GMDS: variants seen among roughly 807,000 people sequenced by gnomAD.
GMDS encodes GDP-mannose 4,6 dehydratase.
GMDS carries 20 observed loss-of-function variants against 49.9 expected under a neutral mutation model. The ratio of observed to expected loss-of-function variants is 0.40; its 90% CI spans 0.28 to 0.58. The LOEUF is 0.58. GMDS is among the 20% of genes least tolerant of loss of function. The pLI, the probability that GMDS is intolerant of heterozygous loss-of-function variation, is 0.42. For missense variants in GMDS, 362 were observed against 481.4 expected, an observed-to-expected ratio of 0.75 and a Z score of 2.32; for synonymous variants, 177 against 178.6, an observed-to-expected ratio of 0.99 and a Z score of 0.07.
chr6:1,725,859 T>G (rs568314953), intron 9 of GMDS, among the ~76,000 whole-genome samples: 5 of 152,364 alleles, frequency 3.3e-5, no homozygotes, highest in African/African-American at 1.2e-4. Flanking sequence ...TAGCATATAA[T>G]GTGGATACAA....
At chr6:2,002,466 A>C (rs1377383100) in intron 4 of GMDS, among the ~76,000 whole-genome samples, 1 of 152,206 alleles carries the variant, frequency 6.6e-6, no homozygotes, top group Non-Finnish European at 1.5e-5. Context: ...ACTGTTGAGG[A>C]TCTTTTAGGA....
Position 1,742,567 on chromosome 6 carries a change from T to TAGGG in GMDS, c.790_791insCCCT (p.Gln264ProfsTer4). ...AACGAAGTCCTCCGGCTCATCATTC[T>TAGGG]GCAACATCAACCACATAGCCTAGAG... On this transcript the variant is annotated frameshift_variant, in exon 8 of 11. Coordinates refer to ENST00000380815, the MANE Select transcript of GMDS (RefSeq NM_001500.4). LOFTEE classifies it high-confidence loss of function. The TAGGG allele has an allele frequency of 6.2e-7, 1 of 1,600,244 alleles. No individual in the cohort carries two copies.
chr6:2,124,485 G>A (rs1327156971), intron 2 of GMDS, among the ~76,000 whole-genome samples: 1 of 152,218 alleles, frequency 6.6e-6, no homozygotes, highest in Non-Finnish European at 1.5e-5. Context: ...GTGCAGGGGA[G>A]CCACCAGTGC....
intron 4 of GMDS, among the ~76,000 whole-genome samples, chr6:2,080,553 A>C (rs1213499181): frequency 6.6e-6 from 1 of 152,170 alleles, no homozygotes; most frequent in Non-Finnish European, 1.5e-5. Flanking sequence ...GCAGTAGTGT[A>C]GTCTCTGTAA....
At chr6:2,088,879 A>C (rs1773159764) in intron 4 of GMDS, among the ~76,000 whole-genome samples, 1 of 152,224 alleles carries the variant, frequency 6.6e-6, no homozygotes. Flanking sequence ...GACAACAAGC[A>C]TGTCAGAGCT....
At chr6:1,826,568 T>C (rs957767182) in intron 7 of GMDS, among the ~76,000 whole-genome samples, 2 of 152,228 alleles carry the variant, frequency 1.3e-5, no homozygotes, top group Non-Finnish European at 2.9e-5. Flanking sequence ...ATTGTCAATA[T>C]AGTTATAAAC....
chr6:2,003,428 T>C (rs1185795987), intron 4 of GMDS, among the ~76,000 whole-genome samples: 2 of 152,160 alleles, frequency 1.3e-5, no homozygotes, highest in Admixed American at 6.5e-5. Context: ...AAATGACTAG[T>C]GTAAACAATC....
At chr6:1,867,640 G>C (rs566287157) in intron 7 of GMDS, among the ~76,000 whole-genome samples, 2 of 152,182 alleles carry the variant, frequency 1.3e-5, no homozygotes, top group Non-Finnish European at 2.9e-5. Flanking sequence ...GGGATCTCTA[G>C]AAACAAGTGG....
intron 7 of GMDS, among the ~76,000 whole-genome samples, chr6:1,832,371 G>A (rs1756694867): frequency 6.6e-6 from 1 of 151,490 alleles, no homozygotes; most frequent in Non-Finnish European, 1.5e-5. Context: ...CTAGCCTGGG[G>A]GACGGAGTGA....
chr6:1,899,986 C>T (rs1045754873), intron 7 of GMDS, among the ~76,000 whole-genome samples: 2 of 152,196 alleles, frequency 1.3e-5, no homozygotes, highest in Non-Finnish European at 2.9e-5. Flanking sequence ...TCTAAGGCCA[C>T]GTGGAGACCT....
intron 9 of GMDS, among the ~76,000 whole-genome samples, chr6:1,668,312 A>C (rs9502995): frequency 0.024 from 3,698 of 152,336 alleles, 142 homozygotes; most frequent in African/African-American, 0.084. Context: ...GAAGATTTAT[A>C]AACTCTTTTA....
chr6:1,962,751 TTA>T (rs1367592555), intron 4 of GMDS, among the ~76,000 whole-genome samples: 1 of 151,886 alleles, frequency 6.6e-6, no homozygotes, highest in African/African-American at 2.4e-5. Flanking sequence ...CTGTAAAAGT[TTA>T]TATATATATA....
At chr6:1,681,544 TG>T (rs1407789635) in intron 9 of GMDS, among the ~76,000 whole-genome samples, 10 of 152,022 alleles carry the variant, frequency 6.6e-5, no homozygotes, top group Admixed American at 2.6e-4. Context: ...AGGCGCACAG[TG>T]GGAACAGTCT....
Position 2,118,742 on chromosome 6 carries a change from C to T in GMDS, c.148-1186G>A, listed in dbSNP as rs148802994. On this transcript the variant is annotated intron_variant, in intron 2 of 10. Transcript: ENST00000380815. ...GAAACCCAAGAAAAGTTGGTAAACACGAAAATATTTTAGGAAAGGAACTTC... is the reference window on the plus strand; with the variant it reads ...GAAACCCAAGAAAAGTTGGTAAACATGAAAATATTTTAGGAAAGGAACTTC... Among the ~76,000 whole-genome samples, 138 of 152,140 alleles carry T rather than the reference C, an allele frequency of 9.1e-4. 2 individuals are homozygous for T. Among genetic ancestry groups the T allele is most frequent in the African/African-American group, 3.1e-3 (128 of 41,496 alleles).
intron 4 of GMDS, among the ~76,000 whole-genome samples, chr6:2,057,663 T>C (rs918948789): frequency 1.3e-5 from 2 of 152,230 alleles, no homozygotes; most frequent in Non-Finnish European, 2.9e-5. Context: ...ACTTTAATCA[T>C]CTGCTATAGT....
chr6:1,672,465 T>C (rs1764462222), intron 9 of GMDS, among the ~76,000 whole-genome samples: 1 of 152,252 alleles, frequency 6.6e-6, no homozygotes. Context: ...CAAAAGTCTC[T>C]GAAATTTCCC....
chr6:1,837,608 G>C (rs897448737), intron 7 of GMDS, among the ~76,000 whole-genome samples: 4 of 152,178 alleles, frequency 2.6e-5, no homozygotes, highest in African/African-American at 9.7e-5. Flanking sequence ...AAAATTCTCT[G>C]TGGGAGCCAA....
At chr6:1,854,724 A>G (rs1475874545) in intron 7 of GMDS, among the ~76,000 whole-genome samples, 22 of 152,244 alleles carry the variant, frequency 1.4e-4, no homozygotes, top group Admixed American at 1.4e-3. Flanking sequence ...GGCCACATTC[A>G]TGAGCAGCCT....
intron 7 of GMDS, among the ~76,000 whole-genome samples, chr6:1,903,559 C>T (rs1760607488): frequency 6.6e-6 from 1 of 152,204 alleles, no homozygotes; most frequent in Admixed American, 6.5e-5. Flanking sequence ...AGGAACCAGG[C>T]ATAAATCTCA....
Sources: allele counts gnomAD v4.1 joint callset (sites outside exome capture counted in the v4.1 genomes callset), GRCh38; gene constraint gnomAD v4.1.1; transcripts MANE v1.5; gene names NCBI Gene and HGNC (gene_info 2026-07-23, HGNC 2026-07-21).